BMERB1: variants seen among roughly 807,000 people sequenced by gnomAD.
The protein encoded by BMERB1 is bMERB domain containing 1.
Under a neutral mutation model 23.6 loss-of-function variants are expected in BMERB1, and 12 were observed. That is an observed-to-expected ratio of 0.51 (90% CI 0.33 to 0.82). The LOEUF (loss-of-function observed/expected upper bound fraction) is 0.82, where lower values mean the gene tolerates loss of function less well. Among genes scored for constraint, BMERB1 ranks in the 40% least tolerant of loss-of-function variants. The pLI is 0.03. For missense variants in BMERB1, 247 were observed against 255.4 expected (o/e 0.97, Z 0.22); for synonymous variants, 122 against 96.6 (o/e 1.26, Z -1.54).
At chr16:15,549,875 A>G (rs1468825449) in intron 2 of BMERB1, among the ~76,000 whole-genome samples, 3 of 152,226 alleles carry the variant, frequency 2.0e-5, no homozygotes, top group East Asian at 1.9e-4. Flanking sequence ...CAAAATTGGG[A>G]AAAATGTCTA....
intron 1 of BMERB1, among the ~76,000 whole-genome samples, chr16:15,471,410 G>A (rs2051227922): frequency 6.6e-6 from 1 of 152,160 alleles, no homozygotes; most frequent in South Asian, 2.1e-4. Flanking sequence ...TTAGAACTAT[G>A]CAGATTTTCT....
rs530093586 is a variant in BMERB1 at position 15,449,920 on chromosome 16, T to A, written c.106+15161T>A. Among the ~76,000 whole-genome samples the A allele has an allele frequency of 4.5e-3, 664 of 148,762 alleles. 8 individuals carry two copies. Among genetic ancestry groups the A allele is most frequent in the African/African-American group, 0.015 (594 of 40,636 alleles). On this transcript the variant is annotated intron_variant, in intron 1 of 5. Transcript: ENST00000300006. ...TTTTCTTTTTTGTTTTCTTTAAAAT[T>A]TTTTTTTTTTTGGTAGAGATGGGGT...
intron 3 of BMERB1, among the ~76,000 whole-genome samples, chr16:15,578,572 C>T (rs1434670915): frequency 6.6e-6 from 1 of 152,092 alleles, no homozygotes; most frequent in Non-Finnish European, 1.5e-5. Context: ...GTGCCTTAGT[C>T]TCTGTGGCTT....
In BMERB1 at chr16:15,480,013, A is replaced by T. The variant is rs551020619; in HGVS notation, c.107-35292A>T. On this transcript the variant is annotated intron_variant, in intron 1 of 5. Coordinates refer to ENST00000300006, the MANE Select transcript of BMERB1 (RefSeq NM_033201.3). ...CATATAGTTTTCATATATATATATA[A>T]TATATATATAATATATATTTAAAAA... 5.9e-3 allele frequency among the ~76,000 whole-genome samples: 838 copies of T among 143,212 alleles called. 13 individuals are homozygous for T. Among genetic ancestry groups the T allele is most frequent in the African/African-American group, 0.021 (782 of 37,462 alleles). The allele number at this position is 143,212 out of a possible 152,430, so 94.0% of individuals were successfully genotyped here. A position where few individuals can be genotyped will look rare whatever the true frequency, so the allele number is the denominator to read the frequency against.
intron 1 of BMERB1, among the ~76,000 whole-genome samples, chr16:15,485,680 G>A (rs1232764346): frequency 6.6e-6 from 1 of 151,722 alleles, no homozygotes; most frequent in Non-Finnish European, 1.5e-5. Context: ...AGGAAACTGG[G>A]GAAAGACATT....
intron 1 of BMERB1, among the ~76,000 whole-genome samples, chr16:15,458,611 G>C (rs1241578061): frequency 6.6e-6 from 1 of 151,790 alleles, no homozygotes; most frequent in African/African-American, 2.4e-5. Flanking sequence ...CAGCTACTTG[G>C]GGGGCTGATG....
intron 1 of BMERB1, among the ~76,000 whole-genome samples, chr16:15,509,382 C>T (rs1035623250): frequency 5.3e-5 from 8 of 151,656 alleles, no homozygotes; most frequent in Non-Finnish European, 8.8e-5. Context: ...ACTATCTCTG[C>T]AATGATCTGG....
intron 1 of BMERB1, among the ~76,000 whole-genome samples, chr16:15,457,984 G>A (rs184478369): frequency 1.3e-4 from 20 of 152,218 alleles, no homozygotes; most frequent in African/African-American, 3.9e-4. Context: ...CAGGTCTCTC[G>A]AGAATTCACT....
chr16:15,457,620 C>A (rs967967447), intron 1 of BMERB1, among the ~76,000 whole-genome samples: 1 of 152,206 alleles, frequency 6.6e-6, no homozygotes, highest in Non-Finnish European at 1.5e-5. Flanking sequence ...CACCTGTTCT[C>A]ACCTCCTTTC....
chr16:15,483,479 A>G (rs2051341664), intron 1 of BMERB1, among the ~76,000 whole-genome samples: 1 of 152,144 alleles, frequency 6.6e-6, no homozygotes, highest in South Asian at 2.1e-4. Flanking sequence ...TCCTGGGTTC[A>G]AGTGATTCTC....
intron 2 of BMERB1, chr16:15,536,970 CT>C (rs1274018990): frequency 6.6e-6 from 1 of 152,190 alleles, no homozygotes; most frequent in Non-Finnish European, 1.5e-5. Context: ...AGTTTGACTC[CT>C]TGGCACAGCA....
At chr16:15,470,586 C>G (rs1225784857) in intron 1 of BMERB1, among the ~76,000 whole-genome samples, 1 of 150,676 alleles carries the variant, frequency 6.6e-6, no homozygotes, top group African/African-American at 2.4e-5. Flanking sequence ...AGTGCAGTGG[C>G]GCGATCTCAG....
intron 2 of BMERB1, among the ~76,000 whole-genome samples, chr16:15,563,620 TG>T (rs1239459789): frequency 6.6e-6 from 1 of 152,134 alleles, no homozygotes; most frequent in East Asian, 1.9e-4. Context: ...GAAGCATGGC[TG>T]GGGAGGCCTC....
intron 1 of BMERB1, among the ~76,000 whole-genome samples, chr16:15,508,966 G>A (rs1387691231): frequency 6.6e-6 from 1 of 151,994 alleles, no homozygotes; most frequent in African/African-American, 2.4e-5. Context: ...TTTCTCTTGG[G>A]GAAGAAAAAC....
intron 1 of BMERB1, among the ~76,000 whole-genome samples, chr16:15,506,865 G>A (rs1238575346): frequency 6.6e-6 from 1 of 152,140 alleles, no homozygotes; most frequent in Non-Finnish European, 1.5e-5. Flanking sequence ...TTGCCTCAGT[G>A]ATTGGCTTTC....
intron 2 of BMERB1, among the ~76,000 whole-genome samples, chr16:15,566,523 G>T (rs1436869446): frequency 6.6e-6 from 1 of 152,196 alleles, no homozygotes; most frequent in African/African-American, 2.4e-5. Context: ...GCTGAGTGCA[G>T]TGGCTCACGC....
At chr16:15,486,437 C>G (rs765588916) in intron 1 of BMERB1, among the ~76,000 whole-genome samples, 5 of 152,144 alleles carry the variant, frequency 3.3e-5, no homozygotes, top group Non-Finnish European at 7.3e-5. Flanking sequence ...GACTGTTTTT[C>G]TCCATGTCTC....
chr16:15,534,082 T>C (rs908947536), intron 2 of BMERB1, among the ~76,000 whole-genome samples: 8 of 151,736 alleles, frequency 5.3e-5, no homozygotes, highest in Non-Finnish European at 1.0e-4. Flanking sequence ...AATAAAACAA[T>C]GCCCTATCCT....
intron 2 of BMERB1, among the ~76,000 whole-genome samples, chr16:15,554,342 T>C (rs550087597): frequency 6.6e-6 from 1 of 152,280 alleles, no homozygotes; most frequent in East Asian, 1.9e-4. Context: ...CCTTACCTCA[T>C]AGAGTTGCTG....
Sources: allele counts gnomAD v4.1 joint callset (sites outside exome capture counted in the v4.1 genomes callset), GRCh38; gene constraint gnomAD v4.1.1; transcripts MANE v1.5; gene names NCBI Gene and HGNC (gene_info 2026-07-23, HGNC 2026-07-21).